RASGRF1: variants seen among roughly 807,000 people sequenced by gnomAD.
RASGRF1 encodes the protein Ras protein specific guanine nucleotide releasing factor 1.
A neutral mutation model predicts 138.7 loss-of-function variants in RASGRF1; 40 were observed. That is an observed-to-expected ratio of 0.29 (90% CI 0.22 to 0.38). The LOEUF (loss-of-function observed/expected upper bound fraction) is 0.38, where lower values mean the gene tolerates loss of function less well. RASGRF1 is among the 10% of genes least tolerant of loss of function. The pLI is 1.00. For missense variants in RASGRF1, 1,108 were observed against 1,650.4 expected, an observed-to-expected ratio of 0.67 and a Z score of 5.69; for synonymous variants, 614 against 663.2, an observed-to-expected ratio of 0.93 and a Z score of 1.14.
At chr15:78,987,466 C>T (rs763016730) in intron 22 of RASGRF1, among the ~76,000 whole-genome samples, 1 of 152,078 alleles carries the variant, frequency 6.6e-6, no homozygotes, top group Admixed American at 6.6e-5. Flanking sequence ...GGAGCTGAGG[C>T]GGGTGGATCA....
chr15:79,054,837 A>C (rs28624697), intron 3 of RASGRF1, among the ~76,000 whole-genome samples: 80,393 of 152,004 alleles, frequency 0.53, 21,718 homozygotes, highest in African/African-American at 0.59. Context: ...TGAGTGGAGG[A>C]AGCCATGAGA....
chr15:79,020,604 T>C (rs564573304), intron 10 of RASGRF1, among the ~76,000 whole-genome samples: 6 of 152,346 alleles, frequency 3.9e-5, no homozygotes, highest in South Asian at 4.1e-4. Flanking sequence ...CGCTGGCAAG[T>C]TAGCAGTGAG....
At chr15:79,036,699 T>C (rs1360928123) in intron 5 of RASGRF1, among the ~76,000 whole-genome samples, 1 of 151,900 alleles carries the variant, frequency 6.6e-6, no homozygotes, top group Non-Finnish European at 1.5e-5. Flanking sequence ...AATGTCCTGC[T>C]CATGCCTGCT....
intron 24 of RASGRF1, among the ~76,000 whole-genome samples, chr15:78,977,932 G>A (rs1465123329): frequency 6.6e-6 from 1 of 152,212 alleles, no homozygotes; most frequent in Non-Finnish European, 1.5e-5. Flanking sequence ...CTGGGGGAAG[G>A]TTCCGATTGC....
At chr15:79,004,485 G>A (rs1187769370) in intron 14 of RASGRF1, among the ~76,000 whole-genome samples, 2 of 152,044 alleles carry the variant, frequency 1.3e-5, no homozygotes, top group African/African-American at 4.8e-5. Flanking sequence ...TGCGGACTGT[G>A]CAAAACCCCC....
At chr15:79,009,598 C>T (rs1348609109) in intron 13 of RASGRF1, among the ~76,000 whole-genome samples, 5 of 152,200 alleles carry the variant, frequency 3.3e-5, no homozygotes, top group Admixed American at 6.5e-5. Context: ...CTCCTGCCAC[C>T]GGAAGGGGAA....
At chr15:79,064,294 C>T (rs2057647071) in intron 2 of RASGRF1, 126 bp downstream of exon 2, 5 of 866,536 alleles carry the variant, frequency 5.8e-6, no homozygotes, top group Middle Eastern at 3.6e-4. Flanking sequence ...CCAAGAGATG[C>T]TTCTCCTCCT....
At chr15:78,968,090 A>T (rs935018745) in intron 26 of RASGRF1, among the ~76,000 whole-genome samples, 15 of 151,774 alleles carry the variant, frequency 9.9e-5, no homozygotes, top group African/African-American at 3.6e-4. Context: ...TTTTTGAAAA[A>T]ATTTTTTTTC....
chr15:79,086,781 A>C (rs561743333), intron 1 of RASGRF1, among the ~76,000 whole-genome samples: 1 of 152,186 alleles, frequency 6.6e-6, no homozygotes, highest in East Asian at 1.9e-4. Flanking sequence ...TGGACATTTT[A>C]TTTCAGGGAG....
At chr15:78,963,888 AG>A (rs1201350395) in intron 26 of RASGRF1, among the ~76,000 whole-genome samples, 1 of 152,194 alleles carries the variant, frequency 6.6e-6, no homozygotes, top group African/African-American at 2.4e-5. Flanking sequence ...ATACCTAGAT[AG>A]TAGTGTCATG....
intron 2 of RASGRF1, among the ~76,000 whole-genome samples, chr15:79,063,095 C>T (rs980144162): frequency 2.6e-5 from 4 of 152,038 alleles, no homozygotes; most frequent in African/African-American, 9.7e-5. Context: ...GAAGTAATGT[C>T]TCTCTCTCAT....
chr15:78,961,970 C>A lies in RASGRF1; in HGVS notation c.*174G>T. On this transcript the variant is annotated 3_prime_UTR_variant, in exon 27 of 27. Coordinates refer to ENST00000558480, the MANE Select transcript of RASGRF1 (RefSeq NM_001145648.3). ...GAGGGGAGGGATGGGTGGGCGAAGTCTGAAACGGTGCAGAAATTCATATTC... is the reference window on the plus strand; with the variant it reads ...GAGGGGAGGGATGGGTGGGCGAAGTATGAAACGGTGCAGAAATTCATATTC... The A allele has an allele frequency of 3.4e-6, 2 of 585,222 alleles. No homozygotes were observed. The highest frequency in any genetic ancestry group is 4.1e-5 in the South Asian group (2 of 48,404). The allele number at this position is 585,222 out of a possible 1,614,324, so 36.3% of individuals were successfully genotyped here. A position where few individuals can be genotyped will look rare whatever the true frequency, so the allele number is the denominator to read the frequency against.
intron 5 of RASGRF1, among the ~76,000 whole-genome samples, chr15:79,037,658 C>T (rs1272384456): frequency 6.6e-6 from 1 of 151,900 alleles, no homozygotes; most frequent in African/African-American, 2.4e-5. Context: ...GGGGTTTCAC[C>T]ATGTTGGCCA....
chr15:78,977,054 G>A (rs1420382046), intron 24 of RASGRF1, among the ~76,000 whole-genome samples: 5 of 152,214 alleles, frequency 3.3e-5, no homozygotes, highest in East Asian at 1.9e-4. Flanking sequence ...CCACCAAGAC[G>A]CTCCTGATGA....
intron 6 of RASGRF1, 116 bp downstream of exon 6, chr15:79,035,014 TG>T: frequency 1.3e-6 from 1 of 745,988 alleles, no homozygotes; most frequent in Non-Finnish European, 2.1e-6. Context: ...AGGGATTCTG[TG>T]GGTTTTAAAA....
At chr15:79,031,080 T>A (rs1414961819) in intron 8 of RASGRF1, among the ~76,000 whole-genome samples, 2 of 152,196 alleles carry the variant, frequency 1.3e-5, no homozygotes, top group Non-Finnish European at 2.9e-5. Context: ...TTTGACACAT[T>A]GACACTGGAG....
chr15:79,017,993 C>G (rs748343691), intron 11 of RASGRF1, 87 bp from the exon 12 acceptor site: 25 of 1,509,794 alleles, frequency 1.7e-5, no homozygotes, highest in Non-Finnish European at 2.2e-5. Context: ...GTCGTACGTA[C>G]CAGTGGAGGC....
rs759723679 is a variant in RASGRF1, at chr15:79,055,820, A to C, written c.531+2514T>G. Among the ~76,000 whole-genome samples, 71 of 152,300 alleles carry C rather than the reference A, an allele frequency of 4.7e-4. 1 individual carries two copies. Among genetic ancestry groups the C allele is most frequent in the Admixed American group, 2.9e-3 (44 of 15,298 alleles). On this transcript the variant is annotated intron_variant, in intron 3 of 26. Transcript: ENST00000558480. The stretch of plus-strand genomic sequence containing the variant: ...AAGACACTCTACCACAATCAGACCC[A>C]AAGGCAGAAACTGTCATCTCTTTAA...
At chr15:79,058,648 G>A (rs1171150123) in intron 2 of RASGRF1, among the ~76,000 whole-genome samples, 167 bp from the exon 3 acceptor site, 1 of 152,220 alleles carries the variant, frequency 6.6e-6, no homozygotes, top group East Asian at 1.9e-4. Context: ...AGAGGTGGGG[G>A]CAGTCCAGGC....
Sources: gnomAD v4.1 joint callset for allele counts (sites outside exome capture counted in the v4.1 genomes callset) on GRCh38, gnomAD v4.1.1 for gene constraint, MANE v1.5 for transcripts, NCBI Gene and HGNC (gene_info 2026-07-23, HGNC 2026-07-21) for gene names.